The following ABAT variants were observed in gnomAD, a reference collection of about 807,000 sequenced individuals.
The protein encoded by ABAT is 4-aminobutyrate aminotransferase, also known as 4-aminobutyrate aminotransferase, mitochondrial.
A neutral mutation model predicts 64.6 loss-of-function variants in ABAT; 45 were observed. The ratio of observed to expected loss-of-function variants is 0.70; its 90% CI spans 0.55 to 0.89. The LOEUF is 0.89. ABAT is among the 40% of genes least tolerant of loss of function. The pLI is 0.00. For synonymous variants in ABAT, 297 were observed against 250.5 expected, an observed-to-expected ratio of 1.19 and a Z score of -1.75; for missense variants, 633 against 658.4, an observed-to-expected ratio of 0.96 and a Z score of 0.42.
intron 14 of ABAT, among the ~76,000 whole-genome samples, chr16:8,777,685 T>C (rs2060307438): frequency 1.3e-5 from 2 of 152,126 alleles, no homozygotes; most frequent in South Asian, 4.1e-4. Context: ...GAGGGGTGTG[T>C]TCAAACTGCC....
intron 1 of ABAT, among the ~76,000 whole-genome samples, chr16:8,697,673 T>C (rs1445079836): frequency 6.6e-6 from 1 of 152,022 alleles, no homozygotes; most frequent in African/African-American, 2.4e-5. Context: ...TCTTGCTCTG[T>C]CACCCAGGCT....
At chr16:8,719,361 G>A (rs1368472709) in intron 1 of ABAT, among the ~76,000 whole-genome samples, 1 of 152,170 alleles carries the variant, frequency 6.6e-6, no homozygotes, top group African/African-American at 2.4e-5. Flanking sequence ...TTTTGCAGAT[G>A]TTTCTTTCCA....
At chr16:8,740,540 C>T (rs74008041) in intron 2 of ABAT, among the ~76,000 whole-genome samples, 1 of 152,166 alleles carries the variant, frequency 6.6e-6, no homozygotes, top group African/African-American at 2.4e-5. Flanking sequence ...GGCAACTGCT[C>T]CCTCAAAGCA....
rs917180192 is a variant in ABAT, at chr16:8,750,508, T to C, written c.285T>C (p.Asp95=). Residue 95 remains aspartate (D), a synonymous_variant, in exon 5 of 16, where the codon GAT becomes GAC. Coordinates refer to ENST00000268251, the MANE Select transcript of ABAT (RefSeq NM_020686.6). ...LVDVDGNRML[D]LYSQISSVPI... ...ATGTGGACGGCAACCGAATGCTGGA[T>C]CTTTATTCCCAGATCTCCTCTGTCC... 7 of 1,614,010 alleles carry C rather than the reference T, an allele frequency of 4.3e-6. No individual in the cohort carries two copies. In the African/African-American group the frequency reaches 5.3e-5, roughly 12 times the overall value.
At chr16:8,769,003 A>G in intron 11 of ABAT, 30 bp downstream of exon 11, 1 of 1,613,722 alleles carries the variant, frequency 6.2e-7, no homozygotes, top group South Asian at 1.1e-5. Context: ...GATCCTCCCC[A>G]ACCACCAGTC....
intron 1 of ABAT, among the ~76,000 whole-genome samples, chr16:8,706,420 A>AAAAG (rs1555485294): frequency 6.8e-6 from 1 of 148,056 alleles, no homozygotes; most frequent in Admixed American, 6.7e-5. Context: ...AAAAAAAAAA[A>AAAAG]AAAGAAAAGA....
chr16:8,692,867 T>C (rs1409813221), intron 1 of ABAT, among the ~76,000 whole-genome samples: 2 of 152,180 alleles, frequency 1.3e-5, no homozygotes, highest in African/African-American at 4.8e-5. Context: ...ACCTTTTTCT[T>C]TTTTGAGATG....
At chr16:8,757,084 C>T (rs2059669453) in intron 5 of ABAT, 1 of 443,128 alleles carries the variant, frequency 2.3e-6, no homozygotes, top group Non-Finnish European at 4.5e-6. Flanking sequence ...AGGTGAGGAT[C>T]CTATCTGCAA....
At chr16:8,763,892 A>G (rs11641035) in intron 6 of ABAT, among the ~76,000 whole-genome samples, 177 bp from the exon 7 acceptor site, 93,488 of 152,134 alleles carry the variant, frequency 0.61, 33,064 homozygotes, top group East Asian at 0.82. Flanking sequence ...CAGCAATCCT[A>G]GTGGATTTCT....
At chr16:8,757,849 T>C in intron 6 of ABAT, 43 bp downstream of exon 6, 1 of 1,591,956 alleles carries the variant, frequency 6.3e-7, no homozygotes, top group Non-Finnish European at 8.6e-7. Flanking sequence ...AATATGTTCA[T>C]GGCCATTCAC....
At chr16:8,710,694 C>CAGAG (rs558327984) in intron 1 of ABAT, among the ~76,000 whole-genome samples, 2,376 of 121,950 alleles carry the variant, frequency 0.019, 36 homozygotes, top group East Asian at 0.061. Flanking sequence ...GAGAGAGAGA[C>CAGAG]AGAGAGAGAG....
At chr16:8,723,526 AG>A (rs897393366) in intron 1 of ABAT, among the ~76,000 whole-genome samples, 6 of 152,286 alleles carry the variant, frequency 3.9e-5, no homozygotes, top group African/African-American at 1.2e-4. Context: ...AGAAATCTCC[AG>A]GGATCTCAGA....
At chr16:8,760,345 G>C (rs1182576328) in intron 6 of ABAT, 1 of 152,238 alleles carries the variant, frequency 6.6e-6, no homozygotes, top group Admixed American at 6.5e-5. Context: ...ATCCCAGAAA[G>C]AAATCTAAGA....
At chr16:8,719,686 A>C (rs972902131) in intron 1 of ABAT, among the ~76,000 whole-genome samples, 10 of 152,246 alleles carry the variant, frequency 6.6e-5, no homozygotes, top group African/African-American at 2.2e-4. Flanking sequence ...GCCTTTACTA[A>C]CTTCAAGTCC....
At chr16:8,723,827 ATTTTTTTTTTT>A (rs1157410078) in intron 1 of ABAT, among the ~76,000 whole-genome samples, 3 of 40,344 alleles carry the variant, frequency 7.4e-5, no homozygotes, top group African/African-American at 3.4e-4. Flanking sequence ...ATATATATAT[ATTTTTTTTTTT>A]TTTTTTTTTT....
intron 2 of ABAT, among the ~76,000 whole-genome samples, chr16:8,743,509 TTTAG>T: frequency 7.0e-6 from 1 of 142,766 alleles, no homozygotes; most frequent in East Asian, 2.0e-4. Flanking sequence ...TAATATATAT[TTTAG>T]TTATAGTATA....
At chr16:8,679,020 T>C (rs1170406964) in intron 1 of ABAT, among the ~76,000 whole-genome samples, 4 of 152,048 alleles carry the variant, frequency 2.6e-5, no homozygotes, top group Admixed American at 2.6e-4. Context: ...TCCCATGCAT[T>C]AAAAATGAGC....
intron 15 of ABAT, chr16:8,780,396 G>A (rs2060399455): frequency 6.5e-6 from 1 of 154,366 alleles, no homozygotes; most frequent in South Asian, 2.0e-4. Context: ...CCATCTTACA[G>A]AATCCTTGCA....
chr16:8,758,165 G>C (rs376685340), intron 6 of ABAT, among the ~76,000 whole-genome samples: 6 of 152,170 alleles, frequency 3.9e-5, no homozygotes, highest in African/African-American at 1.4e-4. Flanking sequence ...CGACAATATT[G>C]ACAAGTCTGT....
Sources: gnomAD v4.1 joint callset for allele counts (sites outside exome capture counted in the v4.1 genomes callset) on GRCh38, gnomAD v4.1.1 for gene constraint, MANE v1.5 for transcripts, NCBI Gene and HGNC (gene_info 2026-07-23, HGNC 2026-07-21) for gene names.